The following HS6ST2 variants were observed in gnomAD, a reference collection of about 807,000 sequenced individuals.
HS6ST2 encodes heparan sulfate 6-O-sulfotransferase 2, also known as heparan-sulfate 6-O-sulfotransferase 2.
Under a neutral mutation model 33.0 loss-of-function variants are expected in HS6ST2, and 17 were observed. That is an observed-to-expected ratio of 0.52 (90% CI 0.35 to 0.77). The LOEUF (loss-of-function observed/expected upper bound fraction) is 0.77, where lower values mean the gene tolerates loss of function less well. Ranked by LOEUF, HS6ST2 falls within the 30% of genes least tolerant of loss-of-function variation. The pLI is 0.01. For missense variants in HS6ST2, 519 were observed against 551.7 expected, an observed-to-expected ratio of 0.94 and a Z score of 0.59; for synonymous variants, 248 against 237.1, an observed-to-expected ratio of 1.05 and a Z score of -0.42.
intron 4 of HS6ST2, among the ~76,000 whole-genome samples, chrX:132,641,931 T>C (rs1326849611): frequency 3.6e-5 from 4 of 112,331 alleles, no homozygotes; most frequent in African/African-American, 1.3e-4. Context: ...GGCTGGGATC[T>C]GAGCATTTTA....
At chrX:132,643,268 T>C (rs1373876089) in intron 4 of HS6ST2, among the ~76,000 whole-genome samples, 2 of 110,807 alleles carry the variant, frequency 1.8e-5, no homozygotes, top group Admixed American at 9.6e-5. Context: ...TCACTGAAAG[T>C]GGGTGAGGCC....
intron 2 of HS6ST2, among the ~76,000 whole-genome samples, chrX:132,828,678 T>TTATATATATATATATATATATA (rs1176610550): frequency 1.1e-4 from 6 of 53,237 alleles, no homozygotes; most frequent in African/African-American, 1.8e-4. Flanking sequence ...ATATCATATT[T>TTATATATATATATATATATATA]TATATATATA....
chrX:132,855,301 C>T (rs1369355090), intron 2 of HS6ST2, among the ~76,000 whole-genome samples: 1 of 112,269 alleles, frequency 8.9e-6, no homozygotes, highest in Admixed American at 9.4e-5. Flanking sequence ...GACATAGTCT[C>T]ATTTTATTCT....
At chrX:132,930,224 T>C (rs745827780) in intron 2 of HS6ST2, among the ~76,000 whole-genome samples, 5 of 111,380 alleles carry the variant, frequency 4.5e-5, no homozygotes, top group Non-Finnish European at 7.5e-5. Flanking sequence ...TGCATTGGCA[T>C]GATCTCGGCT....
In HS6ST2 at chrX:132,929,996, T is replaced by C. The variant is rs564015149; in HGVS notation, c.947+26812A>G. ...CTCAGTTATACCTAACAGCTAGATA[T>C]AGGATGCTCCTTTGTCCCCATGAGC... On this transcript the variant is annotated intron_variant, in intron 2 of 4. Coordinates refer to ENST00000370833, the MANE Select transcript of HS6ST2 (RefSeq NM_001394073.1). Among the ~76,000 whole-genome samples, 240 of 111,373 alleles carry C rather than the reference T, an allele frequency of 2.2e-3. 9 individuals carry two copies. The South Asian group carries it at 0.088, about 41-fold the overall frequency.
chrX:132,898,381 T>TTA (rs10545986), intron 2 of HS6ST2, among the ~76,000 whole-genome samples: 4,697 of 88,987 alleles, frequency 0.053, 183 homozygotes, highest in African/African-American at 0.11. Flanking sequence ...CAACATAAGG[T>TTA]TATATATATA....
chrX:132,656,994 A>G (rs1273375795), intron 4 of HS6ST2, among the ~76,000 whole-genome samples: 1 of 111,414 alleles, frequency 9.0e-6, no homozygotes, highest in Admixed American at 9.6e-5. Flanking sequence ...TGGCTTCTTT[A>G]TACCTCTTTT....
intron 3 of HS6ST2, among the ~76,000 whole-genome samples, chrX:132,696,527 C>G (rs1194694348): frequency 1.8e-5 from 2 of 111,792 alleles, no homozygotes; most frequent in Non-Finnish European, 3.8e-5. Flanking sequence ...CTGGCTCAGC[C>G]TCTTGCTACT....
At chrX:132,917,699 TA>T (rs1433365066) in intron 2 of HS6ST2, among the ~76,000 whole-genome samples, 1 of 112,093 alleles carries the variant, frequency 8.9e-6, no homozygotes, top group East Asian at 2.8e-4. Context: ...GAGCCACCTT[TA>T]CATGGTTGGA....
intron 2 of HS6ST2, among the ~76,000 whole-genome samples, chrX:132,949,127 C>A (rs762961332): frequency 7.2e-5 from 8 of 110,832 alleles, no homozygotes; most frequent in Admixed American, 2.9e-4. Flanking sequence ...TTCTGCTGGA[C>A]GAGAGCAACA....
intron 2 of HS6ST2, among the ~76,000 whole-genome samples, chrX:132,768,227 C>G (rs1324512838): frequency 9.3e-6 from 1 of 107,182 alleles, no homozygotes; most frequent in Non-Finnish European, 1.9e-5. Context: ...GTCCCAGCTA[C>G]TCGGGGGCTA....
chrX:132,825,940 T>C (rs1422984410), intron 2 of HS6ST2, among the ~76,000 whole-genome samples: 1 of 112,198 alleles, frequency 8.9e-6, no homozygotes, highest in African/African-American at 3.2e-5. Flanking sequence ...GTTCTCCTCT[T>C]TCCCCATCTC....
At chrX:132,934,933 T>C (rs2066808764) in intron 2 of HS6ST2, among the ~76,000 whole-genome samples, 1 of 110,991 alleles carries the variant, frequency 9.0e-6, no homozygotes, top group African/African-American at 3.3e-5. Flanking sequence ...AGAGAAAAGA[T>C]ATCATGGAAA....
At chrX:132,826,044 CTGCCAGAATCACT>C (rs2065515840) in intron 2 of HS6ST2, among the ~76,000 whole-genome samples, 1 of 112,467 alleles carries the variant, frequency 8.9e-6, no homozygotes, top group Non-Finnish European at 1.9e-5. Context: ...CAGTCCTAAG[CTGCCAGAATCACT>C]TGCTTGAGAA....
chrX:132,746,637 T>C (rs749880130), intron 2 of HS6ST2, among the ~76,000 whole-genome samples: 13 of 112,489 alleles, frequency 1.2e-4, no homozygotes, highest in Admixed American at 7.5e-4. Flanking sequence ...CCTAGGAAGA[T>C]GCCTCCCTCC....
At chrX:132,888,753 C>T (rs2066277261) in intron 2 of HS6ST2, among the ~76,000 whole-genome samples, 1 of 111,312 alleles carries the variant, frequency 9.0e-6, no homozygotes, top group Non-Finnish European at 1.9e-5. Flanking sequence ...ATCTGCCCTC[C>T]TTGGCCTCCC....
At chrX:132,910,886 A>T (rs4829747) in intron 2 of HS6ST2, among the ~76,000 whole-genome samples, 38,966 of 110,747 alleles carry the variant, frequency 0.35, 6,056 homozygotes, top group Middle Eastern at 0.5. Flanking sequence ...GTGGTAGCTC[A>T]CGCTTGTAAT....
intron 4 of HS6ST2, among the ~76,000 whole-genome samples, 182 bp downstream of exon 4, chrX:132,668,931 G>A (rs1340645870): frequency 9.0e-6 from 1 of 111,075 alleles, no homozygotes; most frequent in Non-Finnish European, 1.9e-5. Flanking sequence ...AGTTCTTCAT[G>A]CACCCAATAT....
intron 2 of HS6ST2, among the ~76,000 whole-genome samples, chrX:132,896,673 AAT>A (rs2066379658): frequency 9.0e-6 from 1 of 111,662 alleles, no homozygotes; most frequent in Admixed American, 9.6e-5. Context: ...CCTGTATTAA[AAT>A]ATCTCACATA....
Sources: allele counts gnomAD v4.1 joint callset (sites outside exome capture counted in the v4.1 genomes callset), GRCh38; gene constraint gnomAD v4.1.1; transcripts MANE v1.5; gene names NCBI Gene and HGNC (gene_info 2026-07-23, HGNC 2026-07-21).